The following DEPTOR variants were observed in gnomAD, a reference collection of about 807,000 sequenced individuals.
DEPTOR encodes the protein DEP domain-containing mTOR-interacting protein.
DEPTOR carries 41 observed loss-of-function variants against 41.6 expected under a neutral mutation model. The observed-to-expected ratio is 0.98, with a 90% CI of 0.77 to 1.28. The LOEUF (loss-of-function observed/expected upper bound fraction) is 1.28, where lower values mean the gene tolerates loss of function less well. Among genes scored for constraint, DEPTOR ranks in the 50% most tolerant of loss-of-function variants. The pLI is 0.00. For missense variants in DEPTOR, 514 were observed against 527.9 expected (o/e 0.97, Z 0.26); for synonymous variants, 195 against 192.3 (o/e 1.01, Z -0.12).
At chr8:119,898,529 G>C (rs1221933624) in intron 1 of DEPTOR, among the ~76,000 whole-genome samples, 2 of 152,028 alleles carry the variant, frequency 1.3e-5, no homozygotes, top group African/African-American at 4.8e-5. Flanking sequence ...TTCAAGACCA[G>C]CCTGGGCAAT....
rs191073159 is a variant in DEPTOR at position 120,026,140 on chromosome 8, C to T, written c.1101+17007C>T. Among the ~76,000 whole-genome samples, 69 of 150,520 alleles carry T rather than the reference C, an allele frequency of 4.6e-4. No individual in the cohort carries two copies. In the East Asian group the frequency reaches 0.013, roughly 29 times the overall value. On this transcript the variant is annotated intron_variant, in intron 8 of 8. Transcript: ENST00000286234. Reference sequence around the variant, plus strand: ...TAGCTGGGATTACAGGCATGCACCACCATGTCCGGCTATTTTTTTGTGTTT... The same window carrying T: ...TAGCTGGGATTACAGGCATGCACCATCATGTCCGGCTATTTTTTTGTGTTT...
intron 3 of DEPTOR, among the ~76,000 whole-genome samples, chr8:119,951,051 T>C (rs995946670): frequency 6.9e-6 from 1 of 145,676 alleles, no homozygotes; most frequent in African/African-American, 2.5e-5. Context: ...GGTTAGACAC[T>C]ATCTAATATA....
At chr8:119,979,178 T>C (rs1828732468) in intron 4 of DEPTOR, among the ~76,000 whole-genome samples, 2 of 152,352 alleles carry the variant, frequency 1.3e-5, no homozygotes, top group East Asian at 1.9e-4. Context: ...TTGATTAATA[T>C]TCATAATCAG....
intron 8 of DEPTOR, among the ~76,000 whole-genome samples, chr8:120,027,664 C>G (rs1396866397): frequency 6.6e-6 from 1 of 151,516 alleles, no homozygotes; most frequent in Non-Finnish European, 1.5e-5. Context: ...GAGATTGCAC[C>G]ACTGCACTCC....
At chr8:119,880,645 T>C (rs1827286922) in intron 1 of DEPTOR, among the ~76,000 whole-genome samples, 1 of 152,242 alleles carries the variant, frequency 6.6e-6, no homozygotes, top group African/African-American at 2.4e-5. Flanking sequence ...ATCTGATTTA[T>C]TCCTGTGAGT....
chr8:119,997,867 T>C (rs1473384781), intron 4 of DEPTOR, among the ~76,000 whole-genome samples: 1 of 152,242 alleles, frequency 6.6e-6, no homozygotes, highest in Non-Finnish European at 1.5e-5. Context: ...GTTAGCATGA[T>C]TGATAAATGC....
In DEPTOR at chr8:119,946,282, T is replaced by A. The variant is rs1481834035; in HGVS notation, c.425+16344T>A. Among the ~76,000 whole-genome samples, 5 of 152,190 alleles carry A rather than the reference T, an allele frequency of 3.3e-5. No individual in the cohort carries two copies. In the South Asian group the frequency reaches 6.2e-4, roughly 19 times the overall value. On this transcript the variant is annotated intron_variant, in intron 3 of 8. Transcript: ENST00000286234. ...AAAATCTGAATAACATTTTTAACTTTATTAAAGTTAAATTTGTAATTAAAT... is the reference window on the plus strand; with the variant it reads ...AAAATCTGAATAACATTTTTAACTTAATTAAAGTTAAATTTGTAATTAAAT...
intron 4 of DEPTOR, among the ~76,000 whole-genome samples, chr8:119,981,088 T>C (rs1349701256): frequency 3.9e-5 from 6 of 152,192 alleles, no homozygotes; most frequent in Non-Finnish European, 1.5e-5. Flanking sequence ...AAAATAGAAC[T>C]ATAGTGTCTG....
intron 4 of DEPTOR, among the ~76,000 whole-genome samples, chr8:119,980,883 C>G (rs1367327511): frequency 6.6e-6 from 1 of 152,100 alleles, no homozygotes; most frequent in Admixed American, 6.6e-5. Context: ...TTTCTGATAT[C>G]TGTATTTTTA....
intron 1 of DEPTOR, chr8:119,874,201 T>G (rs1586592037): frequency 5.1e-6 from 3 of 593,362 alleles, no homozygotes; most frequent in Non-Finnish European, 2.8e-6. Flanking sequence ...GAGCGGGTGG[T>G]GCGCGCTGCG....
At chr8:119,977,862 T>C (rs1828716442) in intron 4 of DEPTOR, among the ~76,000 whole-genome samples, 4 of 152,080 alleles carry the variant, frequency 2.6e-5, no homozygotes, top group Admixed American at 6.6e-5. Context: ...TCTTGCTATA[T>C]TGCCCAGGCT....
At chr8:119,939,492 C>CT (rs2129888193) in intron 3 of DEPTOR, among the ~76,000 whole-genome samples, 1 of 152,246 alleles carries the variant, frequency 6.6e-6, no homozygotes, top group South Asian at 2.1e-4. Flanking sequence ...ATTAGTATGG[C>CT]TTTTTTCGTT....
intron 1 of DEPTOR, among the ~76,000 whole-genome samples, chr8:119,914,394 G>T (rs1827786785): frequency 6.6e-6 from 1 of 151,414 alleles, no homozygotes; most frequent in Non-Finnish European, 1.5e-5. Flanking sequence ...AACCCCCTGC[G>T]TTTGCAAAGT....
intron 1 of DEPTOR, among the ~76,000 whole-genome samples, chr8:119,882,440 G>T (rs1313237601): frequency 1.3e-5 from 2 of 150,494 alleles, no homozygotes; most frequent in East Asian, 3.9e-4. Context: ...CACTCTTGTT[G>T]CCCAGGTGCA....
intron 8 of DEPTOR, among the ~76,000 whole-genome samples, chr8:120,041,208 A>G (rs1429333154): frequency 6.6e-6 from 1 of 152,208 alleles, no homozygotes; most frequent in Non-Finnish European, 1.5e-5. Flanking sequence ...ACAATTATGT[A>G]ATCATAGGTG....
chr8:119,882,384 C>A, intron 1 of DEPTOR, among the ~76,000 whole-genome samples: 1 of 151,668 alleles, frequency 6.6e-6, no homozygotes, highest in Non-Finnish European at 1.5e-5. Flanking sequence ...TGTTTTATAT[C>A]TTTTTTTATT....
chr8:120,005,358 G>A (rs985506861), intron 6 of DEPTOR, among the ~76,000 whole-genome samples: 3 of 152,220 alleles, frequency 2.0e-5, no homozygotes, highest in Non-Finnish European at 4.4e-5. Flanking sequence ...AAGCAAAGGT[G>A]ATAAGATCAG....
intron 8 of DEPTOR, among the ~76,000 whole-genome samples, chr8:120,026,323 G>A (rs965780488): frequency 2.0e-5 from 3 of 151,644 alleles, no homozygotes; most frequent in Non-Finnish European, 2.9e-5. Flanking sequence ...TCACTTTAAG[G>A]GGGGCAGAGA....
At chr8:119,995,676 C>T (rs181981067) in intron 4 of DEPTOR, among the ~76,000 whole-genome samples, 9 of 152,100 alleles carry the variant, frequency 5.9e-5, no homozygotes, top group Admixed American at 3.3e-4. Context: ...ACTTAATTGC[C>T]ATGTTCTTGT....
Sources: gnomAD v4.1 joint callset for allele counts (sites outside exome capture counted in the v4.1 genomes callset) on GRCh38, gnomAD v4.1.1 for gene constraint, MANE v1.5 for transcripts, NCBI Gene and HGNC (gene_info 2026-07-23, HGNC 2026-07-21) for gene names.